The following PLPPR1 variants were observed in gnomAD, a reference collection of about 807,000 sequenced individuals.
The protein encoded by PLPPR1 is phospholipid phosphatase related 1.
A neutral mutation model predicts 33.1 loss-of-function variants in PLPPR1; 10 were observed. The ratio of observed to expected loss-of-function variants is 0.30; its 90% CI spans 0.19 to 0.51. PLPPR1 has a LOEUF of 0.51. PLPPR1 is among the 20% of genes least tolerant of loss of function. PLPPR1 has a pLI of 0.97. For missense variants in PLPPR1, 304 were observed against 408.1 expected (o/e 0.74, Z 2.20); for synonymous variants, 151 against 151.0 (o/e 1.00, Z 0.00).
chr9:101,282,033 C>CA (rs575585586), intron 3 of PLPPR1, among the ~76,000 whole-genome samples: 2 of 152,064 alleles, frequency 1.3e-5, no homozygotes, highest in Non-Finnish European at 1.5e-5. Context: ...AACTCTCTCC[C>CA]AAAAAAATTG....
intron 1 of PLPPR1, among the ~76,000 whole-genome samples, chr9:101,038,774 C>T (rs1189186038): frequency 1.3e-5 from 2 of 152,138 alleles, no homozygotes; most frequent in Non-Finnish European, 2.9e-5. Context: ...TGTTAACCCA[C>T]AAATGGCTGC....
intron 3 of PLPPR1, among the ~76,000 whole-genome samples, chr9:101,284,615 G>T (rs542757964): frequency 1.3e-5 from 2 of 152,252 alleles, no homozygotes; most frequent in South Asian, 2.1e-4. Context: ...TTCTAGAGAT[G>T]CTTCAGATAC....
rs58088765 is a variant in PLPPR1, at chr9:101,134,030, T to A, written c.-45-51420T>A. The stretch of plus-strand genomic sequence containing the variant: ...GCATAGAACTGGCTCATGGAAAGCA[T>A]TCAAATATTTGAATTACTAATATTC... On this transcript the variant is annotated intron_variant, in intron 1 of 7. Transcript: ENST00000374874. Among the ~76,000 whole-genome samples, 63 of 152,230 alleles carry A rather than the reference T, an allele frequency of 4.1e-4. 2 individuals are homozygous for A. In the East Asian group the frequency reaches 0.01, roughly 25 times the overall value.
chr9:101,286,361 T>C lies in PLPPR1; in HGVS notation c.385+125T>C, dbSNP rs186807037. On this transcript the variant is annotated intron_variant, in intron 4 of 7. Coordinates refer to ENST00000374874, the MANE Select transcript of PLPPR1 (RefSeq NM_207299.2). Reference sequence around the variant, plus strand: ...GCAAGGGCTGCTTTGGGGATTTTCCTGATCCTACTGCCACATCAAATTTTT... The same window carrying C: ...GCAAGGGCTGCTTTGGGGATTTTCCCGATCCTACTGCCACATCAAATTTTT... The C allele has an allele frequency of 5.9e-3, 4,807 of 820,704 alleles. 18 individuals carry two copies. Among genetic ancestry groups the C allele is most frequent in the Non-Finnish European group, 7.4e-3 (4,020 of 545,366 alleles). The allele number at this position is 820,704 out of a possible 1,614,324, so 50.8% of individuals were successfully genotyped here. A position where few individuals can be genotyped will look rare whatever the true frequency, so the allele number is the denominator to read the frequency against.
intron 2 of PLPPR1, among the ~76,000 whole-genome samples, chr9:101,251,771 A>T (rs755393486): frequency 3.3e-5 from 5 of 152,128 alleles, no homozygotes; most frequent in Non-Finnish European, 5.9e-5. Flanking sequence ...GTACTGGCTC[A>T]TGTAGCTGTA....
chr9:101,308,526 T>G (rs974063132), intron 4 of PLPPR1, among the ~76,000 whole-genome samples: 7 of 152,258 alleles, frequency 4.6e-5, no homozygotes, highest in African/African-American at 1.7e-4. Flanking sequence ...TTGTGGTAAT[T>G]TGTTATAGCA....
intron 2 of PLPPR1, among the ~76,000 whole-genome samples, chr9:101,237,979 C>CTATATA (rs367867610): frequency 0.016 from 1,279 of 79,358 alleles, 49 homozygotes; most frequent in African/African-American, 0.058. Flanking sequence ...GCTATATAGC[C>CTATATA]TATATATATA....
chr9:101,302,163 G>A (rs954133772), intron 4 of PLPPR1, among the ~76,000 whole-genome samples: 1 of 152,164 alleles, frequency 6.6e-6, no homozygotes, highest in Non-Finnish European at 1.5e-5. Context: ...AAAATGTAGG[G>A]ATAATAGTGT....
chr9:101,227,002 T>A (rs980708826), intron 2 of PLPPR1, among the ~76,000 whole-genome samples: 4 of 152,130 alleles, frequency 2.6e-5, no homozygotes, highest in African/African-American at 9.7e-5. Flanking sequence ...AGGCTGAACC[T>A]TGGACCCTGC....
intron 1 of PLPPR1, among the ~76,000 whole-genome samples, chr9:101,072,210 G>A (rs1206687302): frequency 6.6e-6 from 1 of 152,058 alleles, no homozygotes; most frequent in Non-Finnish European, 1.5e-5. Flanking sequence ...GATGTTTCTG[G>A]TTGGGTGGCT....
intron 2 of PLPPR1, among the ~76,000 whole-genome samples, chr9:101,248,855 T>G (rs560481669): frequency 1.3e-5 from 2 of 152,210 alleles, no homozygotes; most frequent in African/African-American, 4.8e-5. Context: ...AGGTTAGGCA[T>G]TCCTTCTAAA....
chr9:101,125,192 T>G (rs1233338672), intron 1 of PLPPR1, among the ~76,000 whole-genome samples: 44 of 152,158 alleles, frequency 2.9e-4, no homozygotes, highest in Admixed American at 2.9e-3. Flanking sequence ...CTAGTCTTCA[T>G]CTATCCCTAT....
chr9:101,274,215 G>A (rs1261995909), intron 3 of PLPPR1, among the ~76,000 whole-genome samples: 2 of 152,130 alleles, frequency 1.3e-5, no homozygotes, highest in Admixed American at 1.3e-4. Flanking sequence ...TTACATAAAT[G>A]ATGGTCACAA....
At chr9:101,110,774 G>A (rs1010958907) in intron 1 of PLPPR1, among the ~76,000 whole-genome samples, 2 of 152,074 alleles carry the variant, frequency 1.3e-5, no homozygotes, top group African/African-American at 4.8e-5. Context: ...AAAAATATAG[G>A]TGTTTGCTTT....
At chr9:101,192,806 TCAAA>T (rs1273449157) in intron 2 of PLPPR1, among the ~76,000 whole-genome samples, 1 of 152,168 alleles carries the variant, frequency 6.6e-6, no homozygotes, top group African/African-American at 2.4e-5. Context: ...GAATAAGGCT[TCAAA>T]CAAAGTAATA....
intron 1 of PLPPR1, among the ~76,000 whole-genome samples, chr9:101,123,584 C>T (rs550217567): frequency 6.6e-6 from 1 of 152,262 alleles, no homozygotes; most frequent in Non-Finnish European, 1.5e-5. Flanking sequence ...TCTGGGAGCC[C>T]ACACTATTTA....
intron 1 of PLPPR1, among the ~76,000 whole-genome samples, chr9:101,168,864 G>T (rs1361911025): frequency 6.6e-6 from 1 of 152,094 alleles, no homozygotes; most frequent in Non-Finnish European, 1.5e-5. Flanking sequence ...ATTTTTTATT[G>T]AAAGAGTGTA....
intron 1 of PLPPR1, among the ~76,000 whole-genome samples, chr9:101,135,024 A>G (rs1382240352): frequency 6.6e-6 from 1 of 152,152 alleles, no homozygotes; most frequent in Non-Finnish European, 1.5e-5. Flanking sequence ...TCTCTGTGTC[A>G]TTATTAATTG....
chr9:101,206,911 T>G (rs1826598503), intron 2 of PLPPR1, among the ~76,000 whole-genome samples: 1 of 151,864 alleles, frequency 6.6e-6, no homozygotes, highest in Non-Finnish European at 1.5e-5. Context: ...ACCCCTCCAT[T>G]GCCAAGCCAG....
Sources: allele counts gnomAD v4.1 joint callset (sites outside exome capture counted in the v4.1 genomes callset), GRCh38; gene constraint gnomAD v4.1.1; transcripts MANE v1.5; gene names NCBI Gene and HGNC (gene_info 2026-07-23, HGNC 2026-07-21).